Variants in ASTN2 observed in about 807,000 individuals in gnomAD.
ASTN2 encodes astrotactin 2.
Under a neutral mutation model 139.8 loss-of-function variants are expected in ASTN2, and 54 were observed. The ratio of observed to expected loss-of-function variants is 0.39; its 90% confidence interval spans 0.31 to 0.48. The LOEUF (loss-of-function observed/expected upper bound fraction) is 0.48. Among genes scored for constraint, ASTN2 ranks in the 20% least tolerant of loss-of-function variants. The probability of loss-of-function intolerance (pLI) is 0.95; values close to 1 mark genes in which losing one functional copy is unlikely to be tolerated. For synonymous variants in ASTN2, 756 were observed against 719.5 expected (o/e 1.05, Z -0.81); for missense variants, 1,565 against 1,725.1 (o/e 0.91, Z 1.64).
At chr9:116,836,663 G>T (rs972995637) in intron 11 of ASTN2, among the ~76,000 whole-genome samples, 1 of 152,006 alleles carries the variant, frequency 6.6e-6, no homozygotes, top group African/African-American at 2.4e-5. Context: ...TTAGCTCCAA[G>T]AATAGGACAC....
intron 11 of ASTN2, among the ~76,000 whole-genome samples, chr9:116,850,145 C>A (rs1359419809): frequency 2.6e-5 from 4 of 152,148 alleles, no homozygotes; most frequent in African/African-American, 9.7e-5. Flanking sequence ...GGATCAACTG[C>A]AACACCCACA....
intron 7 of ASTN2, among the ~76,000 whole-genome samples, chr9:117,003,844 A>G (rs985710170): frequency 6.6e-6 from 1 of 150,822 alleles, no homozygotes; most frequent in African/African-American, 2.4e-5. Context: ...AAAATAATGG[A>G]AAAAAAAATC....
intron 1 of ASTN2, among the ~76,000 whole-genome samples, chr9:117,359,309 A>G (rs1268994426): frequency 6.6e-6 from 1 of 152,198 alleles, no homozygotes; most frequent in Admixed American, 6.5e-5. Flanking sequence ...GATTGTAGAC[A>G]TGACACAATG....
intron 1 of ASTN2, among the ~76,000 whole-genome samples, chr9:117,337,997 C>T (rs1828939547): frequency 6.6e-6 from 1 of 152,120 alleles, no homozygotes; most frequent in South Asian, 2.1e-4. Flanking sequence ...ATGGAATTAT[C>T]AAAATCTAAT....
chr9:116,812,315 C>T (rs1193485907), intron 12 of ASTN2, among the ~76,000 whole-genome samples: 4 of 152,142 alleles, frequency 2.6e-5, no homozygotes, highest in Admixed American at 2.6e-4. Context: ...GAAAGATTAT[C>T]CTGGATTACT....
chr9:116,502,520 C>T (rs943635758), intron 19 of ASTN2, among the ~76,000 whole-genome samples: 5 of 93,374 alleles, frequency 5.4e-5, no homozygotes, highest in African/African-American at 1.6e-4. Context: ...AGAAAAAAGA[C>T]AATCAGAGAG....
intron 3 of ASTN2, among the ~76,000 whole-genome samples, chr9:117,179,418 C>T (rs1212470541): frequency 6.6e-6 from 1 of 152,062 alleles, no homozygotes; most frequent in African/African-American, 2.4e-5. Flanking sequence ...CAGCTTGTTG[C>T]CGTTTCCATC....
Position 116,899,313 on chromosome 9 carries a change from G to T in ASTN2, c.1890-35580C>A, listed in dbSNP as rs115339184. On this transcript the variant is annotated intron_variant, in intron 10 of 22. Transcript: ENST00000313400. ...AGGGCAGACTGGCCTTTTCCATAAT[G>T]GTGTCCAAAGGTGTTCAGGCCTCTT... Among the ~76,000 whole-genome samples the T allele has an allele frequency of 4.2e-3, 644 of 152,194 alleles. 3 individuals carry two copies. Among genetic ancestry groups the T allele is most frequent in the African/African-American group, 0.015 (624 of 41,518 alleles).
chr9:117,065,112 C>A (rs544122393), intron 5 of ASTN2, among the ~76,000 whole-genome samples: 1 of 152,198 alleles, frequency 6.6e-6, no homozygotes, highest in South Asian at 2.1e-4. Flanking sequence ...GAGCAATGCA[C>A]ATACAGGACT....
intron 19 of ASTN2, among the ~76,000 whole-genome samples, chr9:116,563,234 G>A (rs1040633950): frequency 6.6e-6 from 1 of 151,778 alleles, no homozygotes; most frequent in Admixed American, 6.6e-5. Context: ...AATTAGCCGG[G>A]TGCGGGGGTG....
chr9:116,772,857 G>A (rs1437280269), intron 13 of ASTN2, among the ~76,000 whole-genome samples: 2 of 152,130 alleles, frequency 1.3e-5, no homozygotes, highest in African/African-American at 4.8e-5. Context: ...AGGGGGCTTA[G>A]CTTTAGGCTA....
chr9:116,978,495 G>GCGCACACACA (rs762311934), intron 7 of ASTN2, among the ~76,000 whole-genome samples: 113 of 127,702 alleles, frequency 8.8e-4, no homozygotes, highest in Non-Finnish European at 1.3e-3. Flanking sequence ...TCTCTCTCAC[G>GCGCACACACA]CACACACACA....
intron 10 of ASTN2, among the ~76,000 whole-genome samples, chr9:116,952,968 C>T (rs1588437355): frequency 6.6e-6 from 1 of 152,252 alleles, no homozygotes; most frequent in Non-Finnish European, 1.5e-5. Context: ...GTCTTATTGT[C>T]CCACAGTGCG....
intron 1 of ASTN2, among the ~76,000 whole-genome samples, chr9:117,314,416 C>T (rs1001331634): frequency 6.6e-6 from 1 of 151,956 alleles, no homozygotes; most frequent in Admixed American, 6.6e-5. Flanking sequence ...GTGCCAAGAT[C>T]TAAATATAGC....
chr9:116,989,652 C>T (rs947852112), intron 7 of ASTN2, among the ~76,000 whole-genome samples: 38 of 147,124 alleles, frequency 2.6e-4, no homozygotes, highest in African/African-American at 7.0e-4. Context: ...TGTGCAATCT[C>T]GGCTCACTGC....
At chr9:116,574,772 C>A (rs1853657942) in intron 19 of ASTN2, among the ~76,000 whole-genome samples, 1 of 152,226 alleles carries the variant, frequency 6.6e-6, no homozygotes, top group Non-Finnish European at 1.5e-5. Context: ...GTCCCAGTTT[C>A]ATCAGATGTA....
At chr9:116,980,638 C>G (rs1836486200) in intron 7 of ASTN2, among the ~76,000 whole-genome samples, 1 of 152,162 alleles carries the variant, frequency 6.6e-6, no homozygotes, top group South Asian at 2.1e-4. Flanking sequence ...TCCCTAACCT[C>G]TGCTTTCTGG....
At chr9:116,581,353 T>G (rs7867273) in intron 19 of ASTN2, among the ~76,000 whole-genome samples, 14 of 152,122 alleles carry the variant, frequency 9.2e-5, no homozygotes, top group Non-Finnish European at 2.1e-4. Context: ...CTCCAATCAG[T>G]TGACCACTAC....
chr9:116,993,625 T>C (rs961423945), intron 7 of ASTN2, among the ~76,000 whole-genome samples: 1 of 148,728 alleles, frequency 6.7e-6, no homozygotes, highest in Non-Finnish European at 1.5e-5. Flanking sequence ...ACAGTATCTA[T>C]ATATAGTAAT....
Sources: gnomAD v4.1 joint callset for allele counts (sites outside exome capture counted in the v4.1 genomes callset) on GRCh38, gnomAD v4.1.1 for gene constraint, MANE v1.5 for transcripts, NCBI Gene and HGNC (gene_info 2026-07-23, HGNC 2026-07-21) for gene names.